FBXO32: variants seen among roughly 807,000 people sequenced by gnomAD.
The protein encoded by FBXO32 is F-box only protein 32.
Under a neutral mutation model 48.3 loss-of-function variants are expected in FBXO32, and 15 were observed. The observed-to-expected ratio is 0.31, with a 90% CI of 0.21 to 0.48. The LOEUF (loss-of-function observed/expected upper bound fraction) is 0.48, where lower values mean the gene tolerates loss of function less well. FBXO32 is among the 20% of genes least tolerant of loss of function. The pLI is 0.99. For missense variants in FBXO32, 309 were observed against 432.7 expected (o/e 0.71, Z 2.54); for synonymous variants, 154 against 165.9 (o/e 0.93, Z 0.55).
At chr8:123,527,617 C>T (rs1458288805) in intron 4 of FBXO32, among the ~76,000 whole-genome samples, 1 of 152,146 alleles carries the variant, frequency 6.6e-6, no homozygotes, top group African/African-American at 2.4e-5. Context: ...CTGTATCTGG[C>T]CCATGAATTC....
At chr8:123,535,601 C>A (rs974982815) in intron 1 of FBXO32, among the ~76,000 whole-genome samples, 6 of 152,182 alleles carry the variant, frequency 3.9e-5, no homozygotes, top group African/African-American at 1.4e-4. Context: ...GCAGGCTCAT[C>A]TCGGGCCAGA....
chr8:123,535,533 A>G (rs1817292639), intron 1 of FBXO32, among the ~76,000 whole-genome samples: 1 of 152,236 alleles, frequency 6.6e-6, no homozygotes, highest in Admixed American at 6.5e-5. Flanking sequence ...TGATAAATTT[A>G]TAAGGGCTGA....
chr8:123,537,560 AG>A (rs1217425924), intron 1 of FBXO32, among the ~76,000 whole-genome samples: 2 of 152,186 alleles, frequency 1.3e-5, no homozygotes, highest in African/African-American at 4.8e-5. Flanking sequence ...CATTTAAGAA[AG>A]CTGTGACGTG....
At position 123,498,623 on chromosome 8, in the gene FBXO32, G is replaced by C. The variant is rs1816409590; in HGVS notation, c.*4750C>G. 1.3e-5 allele frequency: 2 copies of C among 152,202 alleles called. No homozygotes were observed. Among genetic ancestry groups the C allele is most frequent in the African/African-American group, 4.8e-5 (2 of 41,436 alleles). The allele number at this position is 152,202 out of a possible 1,614,324, so 9.4% of individuals were successfully genotyped here. ...TGCACTGAATCTCATAGCTGGTCCT[G>C]AAGGAGGAAATGGAGAAGATGGATT... On this transcript the variant is annotated 3_prime_UTR_variant, in exon 9 of 9. Coordinates refer to ENST00000517956, the MANE Select transcript of FBXO32 (RefSeq NM_058229.4).
At chr8:123,522,757 T>C (rs1287988162) in intron 4 of FBXO32, among the ~76,000 whole-genome samples, 1 of 152,138 alleles carries the variant, frequency 6.6e-6, no homozygotes, top group African/African-American at 2.4e-5. Context: ...AGCCTTCCAC[T>C]TGCCTTTCCA....
rs947647969 is a variant in FBXO32 at position 123,540,916 on chromosome 8, G to A, written c.99C>T (p.Phe33=). The A allele has an allele frequency of 6.2e-7, 1 of 1,613,472 alleles. No individual in the cohort carries two copies. The highest frequency in any genetic ancestry group is 8.5e-7 in the Non-Finnish European group (1 of 1,179,694). Reference sequence around the variant, plus strand: ...CCCCTCACCTGCTGAGGTCGCTCACGAAACTGCCGCTCTTCTCATCCAGGA... The same window carrying A: ...CCCCTCACCTGCTGAGGTCGCTCACAAAACTGCCGCTCTTCTCATCCAGGA... ...KRFLDEKSGS[F]VSDLSSYCNK... is the part of the protein sequence containing the mutation. Residue 33 remains phenylalanine (F), a synonymous_variant, in exon 1 of 9, where the codon TTC becomes TTT. Coordinates refer to ENST00000517956, the MANE Select transcript of FBXO32 (RefSeq NM_058229.4). The surrounding 1 kb of genome is among the most constrained non-coding windows in gnomAD (Gnocchi z 6.4).
At chr8:123,522,316 C>T (rs1263571776) in intron 4 of FBXO32, among the ~76,000 whole-genome samples, 1 of 147,758 alleles carries the variant, frequency 6.8e-6, no homozygotes, top group African/African-American at 2.5e-5. Context: ...TCAAATGATT[C>T]TCCTGCCTCA....
chr8:123,512,148 T>C (rs937807817), intron 6 of FBXO32, among the ~76,000 whole-genome samples: 2 of 152,216 alleles, frequency 1.3e-5, no homozygotes, highest in Admixed American at 1.3e-4. Context: ...CGTGCTCTGC[T>C]CTGTGTGTGT....
In FBXO32 at chr8:123,500,874, A is replaced by T. The variant is rs1156489385; in HGVS notation, c.*2499T>A. ...ACCAGCTCCAATAACACCAAAGGAC[A>T]CGGGGAGAGCCCACTGGTACCATCT... is the stretch of plus-strand genomic sequence containing the variant. On this transcript the variant is annotated 3_prime_UTR_variant, in exon 9 of 9. Transcript: ENST00000517956. 1 of 152,240 alleles carries T rather than the reference A, an allele frequency of 6.6e-6. No individual in the cohort carries two copies. The highest frequency in any genetic ancestry group is 6.5e-5 in the Admixed American group (1 of 15,286). 9.4% of individuals were successfully genotyped at this position (152,240 alleles called of 1,614,324 possible).
intron 8 of FBXO32, 91 bp downstream of exon 8, chr8:123,504,513 G>A (rs1394240909): frequency 7.0e-5 from 87 of 1,237,876 alleles, no homozygotes; most frequent in Non-Finnish European, 6.3e-5. Flanking sequence ...GGGAAGAGGC[G>A]GAAAGGCGCT....
intron 4 of FBXO32, among the ~76,000 whole-genome samples, chr8:123,522,992 T>C (rs181931400): frequency 4.5e-4 from 69 of 152,242 alleles, no homozygotes; most frequent in South Asian, 1.0e-3. Context: ...AAAATAGAAA[T>C]ACCCGTTCAG....
intron 7 of FBXO32, among the ~76,000 whole-genome samples, chr8:123,505,109 A>G (rs1816587780): frequency 1.3e-5 from 2 of 152,142 alleles, no homozygotes; most frequent in Non-Finnish European, 2.9e-5. Flanking sequence ...TTCCAGGGAG[A>G]TGCAATAACT....
At chr8:123,537,938 T>G (rs1422735406) in intron 1 of FBXO32, among the ~76,000 whole-genome samples, 2 of 150,982 alleles carry the variant, frequency 1.3e-5, no homozygotes, top group African/African-American at 2.4e-5. Context: ...GGTGAGGGGG[T>G]GGTTGCTGAG....
intron 6 of FBXO32, among the ~76,000 whole-genome samples, chr8:123,509,019 A>G (rs1586989533): frequency 6.6e-6 from 1 of 152,142 alleles, no homozygotes; most frequent in African/African-American, 2.4e-5. Flanking sequence ...ACTAGGGTCT[A>G]TGTCACTCCT....
chr8:123,534,892 T>G, intron 1 of FBXO32, 78 bp from the exon 2 acceptor site: 1 of 841,982 alleles, frequency 1.2e-6, no homozygotes, highest in East Asian at 2.5e-5. Flanking sequence ...AATAACTCAC[T>G]GAGTTATAAG....
rs1363093836 is a variant in FBXO32, at chr8:123,525,286, G to A, written c.372+6612C>T. On this transcript the variant is annotated intron_variant, in intron 4 of 8. Coordinates refer to ENST00000517956, the MANE Select transcript of FBXO32 (RefSeq NM_058229.4). This position sits in a 1 kb window ranked among gnomAD's most constrained non-coding sequence, Gnocchi z 4.3. The stretch of plus-strand genomic sequence containing the variant: ...GCATCAGTTTAGGTTGTGATGCTCT[G>A]CTGCAGAGGGACAAAGAAACTGGGG... Among the ~76,000 whole-genome samples, 8 of 152,204 alleles carry A rather than the reference G, an allele frequency of 5.3e-5. No individual in the cohort carries two copies. Among genetic ancestry groups the A allele is most frequent in the Admixed American group, 5.2e-4 (8 of 15,282 alleles).
rs949521428 is a variant in FBXO32, at chr8:123,537,643, G to A, written c.117-2829C>T. ...GAGATTTCTACACCAATTTACTGAC[G>A]CATTTCTAGATCGCCACACTCACAA... On this transcript the variant is annotated intron_variant, in intron 1 of 8. Coordinates refer to ENST00000517956, the MANE Select transcript of FBXO32 (RefSeq NM_058229.4). 5.9e-5 allele frequency among the ~76,000 whole-genome samples: 9 copies of A among 152,224 alleles called. No individual in the cohort carries two copies. In the East Asian group the frequency reaches 7.7e-4, roughly 13 times the overall value.
At chr8:123,519,401 A>AG (rs1180626734) in intron 4 of FBXO32, among the ~76,000 whole-genome samples, 8 of 151,834 alleles carry the variant, frequency 5.3e-5, no homozygotes, top group African/African-American at 1.7e-4. Flanking sequence ...AATACAAAAA[A>AG]TTAGCCGGAT....
At chr8:123,530,441 C>G (rs1271655842) in intron 4 of FBXO32, among the ~76,000 whole-genome samples, 1 of 152,102 alleles carries the variant, frequency 6.6e-6, no homozygotes, top group East Asian at 1.9e-4. Context: ...CCTCCTACTT[C>G]TAAGCCTAAA....
Sources: allele counts gnomAD v4.1 joint callset (sites outside exome capture counted in the v4.1 genomes callset), GRCh38; gene constraint gnomAD v4.1.1; non-coding constraint Gnocchi (gnomAD v3.1); transcripts MANE v1.5; gene names NCBI Gene and HGNC (gene_info 2026-07-23, HGNC 2026-07-21).